Variants in CSMD2 observed in about 807,000 individuals in gnomAD.
The protein encoded by CSMD2 is CUB and sushi domain-containing protein 2.
A neutral mutation model predicts 398.5 loss-of-function variants in CSMD2; 130 were observed. The ratio of observed to expected loss-of-function variants is 0.33; its 90% CI spans 0.28 to 0.38. The LOEUF (loss-of-function observed/expected upper bound fraction) is 0.38. CSMD2 is among the 10% of genes least tolerant of loss of function. CSMD2 has a pLI of 1.00. For synonymous variants in CSMD2, 1,828 were observed against 1,908.5 expected (o/e 0.96, Z 1.10); for missense variants, 3,829 against 4,764.9 (o/e 0.80, Z 5.78).
chr1:33,842,465 T>C (rs914718160), intron 6 of CSMD2, among the ~76,000 whole-genome samples: 3 of 152,148 alleles, frequency 2.0e-5, no homozygotes, highest in African/African-American at 7.2e-5. Flanking sequence ...CTTTCACAAC[T>C]TGACCACTAC....
intron 44 of CSMD2, among the ~76,000 whole-genome samples, chr1:33,588,867 T>C (rs749126472): frequency 6.6e-5 from 10 of 151,926 alleles, no homozygotes; most frequent in Non-Finnish European, 1.0e-4. Context: ...CAGCATGGAG[T>C]GACACCTCAG....
At chr1:33,909,126 G>C (rs891998487) in intron 5 of CSMD2, among the ~76,000 whole-genome samples, 15 of 152,186 alleles carry the variant, frequency 9.9e-5, no homozygotes, top group African/African-American at 3.6e-4. Context: ...GCTGTTTTCT[G>C]AGTGTCTCTG....
At position 33,636,375 on chromosome 1, in the gene CSMD2, G is replaced by A. The variant is rs1414051152; in HGVS notation, c.4954C>T (p.Arg1652Trp). The change falls in exon 30 of 71, where the codon CGG becomes TGG. Residue 1652 changes from arginine (R) to tryptophan (W), a missense_variant. Transcript: ENST00000373381. This position sits in a 1 kb window ranked among gnomAD's most constrained non-coding sequence, Gnocchi z 4.8. ...CTTCCACCACCTGTGCAGACTGGCCGGGGATTGTTCCACACGGGCTTCCCA... is the reference window on the plus strand; with the variant it reads ...CTTCCACCACCTGTGCAGACTGGCCAGGGATTGTTCCACACGGGCTTCCCA... ...PDGKPVWNNPRPVCTAPCGGQ... is the reference protein window; with the variant it reads ...PDGKPVWNNPWPVCTAPCGGQ... 7.5e-6 allele frequency: 12 copies of A among 1,609,890 alleles called. No individual in the cohort carries two copies. The highest frequency in any genetic ancestry group is 4.5e-5 in the East Asian group (2 of 44,692).
intron 20 of CSMD2, 34 bp downstream of exon 20, chr1:33,716,252 G>A: frequency 6.5e-7 from 1 of 1,548,078 alleles, no homozygotes; most frequent in Middle Eastern, 1.8e-4. Flanking sequence ...TAGCACCATG[G>A]TCTCTTCCCC....
At chr1:34,062,173 C>T (rs968119729) in intron 2 of CSMD2, among the ~76,000 whole-genome samples, 2 of 152,168 alleles carry the variant, frequency 1.3e-5, no homozygotes, top group East Asian at 1.9e-4. Context: ...TTACCACAGC[C>T]CTTGACCTTG....
intron 65 of CSMD2, among the ~76,000 whole-genome samples, chr1:33,526,955 G>A (rs1419682063): frequency 2.6e-5 from 4 of 152,226 alleles, no homozygotes; most frequent in African/African-American, 9.6e-5. Flanking sequence ...CAGTTCCAGA[G>A]CTTCCAGTTG....
intron 32 of CSMD2, among the ~76,000 whole-genome samples, chr1:33,628,659 ACT>A (rs1642273070): frequency 7.2e-6 from 1 of 138,180 alleles, no homozygotes; most frequent in South Asian, 2.4e-4. Context: ...ACAGAGTGAG[ACT>A]CTGTCTCAAA....
intron 3 of CSMD2, among the ~76,000 whole-genome samples, chr1:34,015,702 T>C (rs188492242): frequency 4.6e-5 from 7 of 152,248 alleles, no homozygotes; most frequent in African/African-American, 1.7e-4. Flanking sequence ...AGACCAATAC[T>C]AGGGATTAGA....
At chr1:33,995,363 A>G (rs970263247) in intron 3 of CSMD2, among the ~76,000 whole-genome samples, 1 of 152,226 alleles carries the variant, frequency 6.6e-6, no homozygotes, top group African/African-American at 2.4e-5. Context: ...GGACTACGAC[A>G]CTGTCACCAT....
intron 58 of CSMD2, among the ~76,000 whole-genome samples, chr1:33,542,380 G>A (rs989558145): frequency 1.3e-5 from 2 of 152,204 alleles, no homozygotes; most frequent in Non-Finnish European, 2.9e-5. Context: ...AAAAGGGAAA[G>A]CCCAAGGAAT....
chr1:33,578,592 C>CA (rs921788718), intron 48 of CSMD2, among the ~76,000 whole-genome samples: 17 of 150,056 alleles, frequency 1.1e-4, no homozygotes, highest in Admixed American at 3.3e-4. Context: ...AACAAGCAAA[C>CA]AAAAAAAACA....
chr1:33,721,793 T>C (rs1472862909), intron 19 of CSMD2, among the ~76,000 whole-genome samples: 1 of 152,248 alleles, frequency 6.6e-6, no homozygotes, highest in Admixed American at 6.5e-5. Flanking sequence ...TGACTTTTCT[T>C]TCAAATCTTC....
intron 1 of CSMD2, among the ~76,000 whole-genome samples, chr1:34,141,261 A>G (rs994541882): frequency 5.9e-5 from 9 of 151,976 alleles, no homozygotes; most frequent in African/African-American, 2.2e-4. Context: ...AATATTCATC[A>G]AGCCCCTACT....
chr1:33,914,502 T>C (rs1243886009), intron 5 of CSMD2, among the ~76,000 whole-genome samples: 2 of 152,080 alleles, frequency 1.3e-5, no homozygotes, highest in Non-Finnish European at 2.9e-5. Flanking sequence ...CCTCAGTCAG[T>C]CCAAGCCCAG....
chr1:33,770,656 T>A (rs1651135733), intron 13 of CSMD2, among the ~76,000 whole-genome samples: 1 of 152,196 alleles, frequency 6.6e-6, no homozygotes, highest in Non-Finnish European at 1.5e-5. Context: ...TCCTGCTCTA[T>A]CCCAGAATTG....
At chr1:33,825,246 G>A (rs1658660015) in intron 7 of CSMD2, among the ~76,000 whole-genome samples, 1 of 152,178 alleles carries the variant, frequency 6.6e-6, no homozygotes, top group Non-Finnish European at 1.5e-5. Context: ...GCCCTTGGAG[G>A]AGGTTACTAG....
Position 33,935,863 on chromosome 1 carries a change from G to C in CSMD2, c.609C>G (p.Tyr203Ter). The change falls in exon 4 of 71, where the codon TAC becomes TAG. Residue 203 changes from tyrosine to a stop codon, truncating the protein, a stop_gained. Transcript: ENST00000373381. LOFTEE classifies it high-confidence loss of function. ...CCAGGAAGAAGCCAAGGTTGCAGCT[G>C]TAGCGGACCTTGTCACCGAGGTTGA... Reference protein sequence around the residue: ...STFNLGDKVRYSCNLGFFLEG... With the variant: ...STFNLGDKVR The C allele has an allele frequency of 6.2e-7, 1 of 1,614,218 alleles. No homozygotes were observed. Among genetic ancestry groups the C allele is most frequent in the Non-Finnish European group, 8.5e-7 (1 of 1,180,020 alleles).
At chr1:33,997,685 T>G (rs371511313) in intron 3 of CSMD2, among the ~76,000 whole-genome samples, 16 of 152,288 alleles carry the variant, frequency 1.1e-4, no homozygotes, top group African/African-American at 2.4e-4. Flanking sequence ...AATCTTTTTT[T>G]TGTGTGCAGC....
Position 33,743,290 on chromosome 1 carries a change from G to A in CSMD2, c.2163C>T (p.Ile721=). 6.2e-7 allele frequency: 1 copy of A among 1,602,058 alleles called. No individual in the cohort carries two copies. Among genetic ancestry groups the A allele is most frequent in the Non-Finnish European group, 8.5e-7 (1 of 1,172,296 alleles). The change falls in exon 14 of 71, where the codon ATC becomes ATT. Residue 721 remains isoleucine (I), a synonymous_variant. Coordinates refer to ENST00000373381, the MANE Select transcript of CSMD2 (RefSeq NM_001281956.2). ...DHSTGKRGFN[I]TFTTFRHNEC... ...AGAGGGAGGACTCACTGGTAAAAGTGATGTTGAAGCCCCTCTTCCCTGTGG... is the reference window on the plus strand; with the variant it reads ...AGAGGGAGGACTCACTGGTAAAAGTAATGTTGAAGCCCCTCTTCCCTGTGG...
Sources: allele counts gnomAD v4.1 joint callset (sites outside exome capture counted in the v4.1 genomes callset), GRCh38; gene constraint gnomAD v4.1.1; non-coding constraint Gnocchi (gnomAD v3.1); transcripts MANE v1.5; gene names NCBI Gene and HGNC (gene_info 2026-07-23, HGNC 2026-07-21).